The following SIL1 variants were observed in gnomAD, a reference collection of about 807,000 sequenced individuals.
The protein encoded by SIL1 is nucleotide exchange factor SIL1.
In SIL1, 40 loss-of-function variants were observed where a neutral mutation model predicts 49.1. The observed-to-expected ratio is 0.81, with a 90% CI of 0.63 to 1.06. The LOEUF is 1.06. SIL1 is among the 50% of genes least tolerant of loss of function. SIL1 has a pLI of 0.00. For synonymous variants in SIL1, 253 were observed against 250.8 expected (o/e 1.01, Z -0.08); for missense variants, 500 against 572.6 (o/e 0.87, Z 1.29).
At chr5:139,030,281 T>C (rs1010309653) in intron 5 of SIL1, among the ~76,000 whole-genome samples, 1 of 151,918 alleles carries the variant, frequency 6.6e-6, no homozygotes, top group Non-Finnish European at 1.5e-5. Context: ...CCTGGCCAAC[T>C]AGAGAAGGTG....
rs917940788 is a variant in SIL1, at chr5:139,186,675, G to C, written c.-11+11594C>G. Among the ~76,000 whole-genome samples, 3 of 152,310 alleles carry C rather than the reference G, an allele frequency of 2.0e-5. No individual in the cohort carries two copies. The East Asian group carries it at 5.8e-4, about 29-fold the overall frequency. On this transcript the variant is annotated intron_variant, in intron 1 of 9. Coordinates refer to ENST00000394817, the MANE Select transcript of SIL1 (RefSeq NM_022464.5). ...CATCTGAGTTGGAGACTCCTAGCCAGTGAGTAACACAGGAGGCTAAACTGG... is the reference window on the plus strand; with the variant it reads ...CATCTGAGTTGGAGACTCCTAGCCACTGAGTAACACAGGAGGCTAAACTGG...
intron 7 of SIL1, among the ~76,000 whole-genome samples, chr5:138,957,081 C>T (rs1766918990): frequency 1.3e-5 from 2 of 152,098 alleles, no homozygotes; most frequent in African/African-American, 2.4e-5. Context: ...CTAGACCCTA[C>T]TGACAGACAC....
At chr5:139,026,733 G>C in intron 6 of SIL1, 68 bp downstream of exon 6, 2 of 1,402,888 alleles carry the variant, frequency 1.4e-6, no homozygotes, top group East Asian at 2.3e-5. Context: ...TTTTCTTAGG[G>C]CTTAGGGAAG....
chr5:138,982,248 G>A (rs1207912055), intron 7 of SIL1, among the ~76,000 whole-genome samples: 1 of 152,154 alleles, frequency 6.6e-6, no homozygotes, highest in African/African-American at 2.4e-5. Flanking sequence ...TGGCTTCCCT[G>A]AGCATGTTTG....
intron 2 of SIL1, among the ~76,000 whole-genome samples, chr5:139,126,751 G>A (rs1471184637): frequency 6.6e-6 from 1 of 152,240 alleles, no homozygotes; most frequent in Non-Finnish European, 1.5e-5. Context: ...TGATTTCAGA[G>A]AGAAGGTGGA....
In SIL1 at chr5:139,062,914, T is replaced by A. The variant is rs560838785; in HGVS notation, c.245-11868A>T. Among the ~76,000 whole-genome samples the A allele has an allele frequency of 4.6e-5, 7 of 152,326 alleles. No individual in the cohort carries two copies. In the South Asian group the frequency reaches 1.5e-3, roughly 32 times the overall value. On this transcript the variant is annotated intron_variant, in intron 3 of 9. Transcript: ENST00000394817. Reference sequence around the variant, plus strand: ...CTGCTGTGTTGGGCACTGGGAAGTATACTGGGAAGTGAACAAGACCAATGC... The same window carrying A: ...CTGCTGTGTTGGGCACTGGGAAGTAAACTGGGAAGTGAACAAGACCAATGC...
At chr5:139,080,425 G>A (rs569777871) in intron 3 of SIL1, among the ~76,000 whole-genome samples, 28 of 152,280 alleles carry the variant, frequency 1.8e-4, no homozygotes, top group Middle Eastern at 6.8e-3. Context: ...ACCTGACAGA[G>A]CAGATATTTG....
rs76466712 is a variant in SIL1 at position 138,962,304 on chromosome 5, A to ATTTTTTTTT, written c.768-10429_768-10421dup. ...AAAGCCAATGACCTGGACTTTTTCCATTTTTTTTTTTTTCCTCTTCACCAA... is the reference window on the plus strand; with the variant it reads ...AAAGCCAATGACCTGGACTTTTTCCATTTTTTTTTTTTTTTTTTTTTTCCTCTTCACCAA... On this transcript the variant is annotated intron_variant, in intron 7 of 9. Transcript: ENST00000394817. 6.4e-3 allele frequency among the ~76,000 whole-genome samples: 919 copies of ATTTTTTTTT among 143,072 alleles called. 11 individuals are homozygous for ATTTTTTTTT. Among genetic ancestry groups the ATTTTTTTTT allele is most frequent in the African/African-American group, 0.023 (897 of 39,244 alleles). The allele number at this position is 143,072 out of a possible 152,430, so 93.9% of individuals were successfully genotyped here.
chr5:138,951,466 C>A lies in SIL1; in HGVS notation c.865-131G>T, dbSNP rs189086709. The stretch of plus-strand genomic sequence containing the variant: ...CGGCCCCACCTCAGTTACAGCTATA[C>A]CCCAGAACCCAGGACTGTGAGGCCA... On this transcript the variant is annotated intron_variant, in intron 8 of 9. Coordinates refer to ENST00000394817, the MANE Select transcript of SIL1 (RefSeq NM_022464.5). 1.8e-3 allele frequency: 1,662 copies of A among 921,608 alleles called. 2 individuals are homozygous for A. The highest frequency in any genetic ancestry group is 2.5e-3 in the Non-Finnish European group (1,530 of 606,422). The allele number at this position is 921,608 out of a possible 1,614,324, so 57.1% of individuals were successfully genotyped here.
chr5:139,133,353 A>G (rs1750905204), intron 1 of SIL1: 1 of 152,236 alleles, frequency 6.6e-6, no homozygotes, highest in Non-Finnish European at 1.5e-5. Flanking sequence ...TTGCCAGCTT[A>G]CTGCAGCCCA....
rs201602130 is a variant in SIL1 at position 139,015,336 on chromosome 5, A to AT, written c.767+5834dup. 6.0e-3 allele frequency among the ~76,000 whole-genome samples: 909 copies of AT among 151,804 alleles called. 1 individual carries two copies. Among genetic ancestry groups the AT allele is most frequent in the African/African-American group, 8.7e-3 (360 of 41,388 alleles). On this transcript the variant is annotated intron_variant, in intron 7 of 9. Transcript: ENST00000394817. Reference sequence around the variant, plus strand: ...GATGAATGCTATGAAGATCAACAGGATTTTTTTTTCATTTAAAAGATCTGA... The same window carrying AT: ...GATGAATGCTATGAAGATCAACAGGATTTTTTTTTTCATTTAAAAGATCTGA...
At chr5:139,151,321 C>T (rs988887957) in intron 1 of SIL1, among the ~76,000 whole-genome samples, 2 of 152,182 alleles carry the variant, frequency 1.3e-5, no homozygotes, top group African/African-American at 4.8e-5. Context: ...CAAGCACCTA[C>T]CGTGTACTAG....
rs745826557 is a variant in SIL1, at chr5:138,951,229, C to T, written c.971G>A (p.Gly324Asp). 1.2e-6 allele frequency: 2 copies of T among 1,606,158 alleles called. No homozygotes were observed. Among genetic ancestry groups the T allele is most frequent in the South Asian group, 1.1e-5 (1 of 89,358 alleles). ...QVLRTLVQEK[G>D]TEVLAVRVVT... ...CACGCGCACGGCGAGCACCTCCGTG[C>T]CCTTCTCCTGCACCAGGGTCCTCAG... is the stretch of plus-strand genomic sequence containing the variant. The change falls in exon 9 of 10, where the codon GGC (glycine) becomes GAC (aspartate). Residue 324 changes from glycine to aspartate, a missense_variant. Gly to Asp is a moderately conservative substitution (Grantham distance 94, BLOSUM62 -1). Transcript: ENST00000394817.
At chr5:139,170,715 C>CCA (rs1751739491) in intron 1 of SIL1, among the ~76,000 whole-genome samples, 1 of 151,640 alleles carries the variant, frequency 6.6e-6, no homozygotes, top group South Asian at 2.1e-4. Context: ...CGCCCGGCAG[C>CCA]CACCCCGTCT....
chr5:138,994,108 G>A (rs886486087), intron 7 of SIL1, among the ~76,000 whole-genome samples: 32 of 152,164 alleles, frequency 2.1e-4, no homozygotes, highest in African/African-American at 7.0e-4. Context: ...ACAGGAAAAG[G>A]ATAAGGATGT....
At chr5:139,084,640 C>G (rs867909107) in intron 3 of SIL1, among the ~76,000 whole-genome samples, 1 of 114,808 alleles carries the variant, frequency 8.7e-6, no homozygotes, top group Middle Eastern at 4.2e-3. Flanking sequence ...GTGGTGGGGT[C>G]GGGGGAGGGG....
intron 3 of SIL1, among the ~76,000 whole-genome samples, chr5:139,117,510 A>G (rs1771019472): frequency 6.6e-6 from 1 of 152,110 alleles, no homozygotes; most frequent in Non-Finnish European, 1.5e-5. Context: ...AGCATTCTGT[A>G]ATACCAACTG....
rs1325326531 is a variant in SIL1 at position 139,127,769 on chromosome 5, G to A, written c.75C>T (p.Cys25=). 1 of 1,611,018 alleles carries A rather than the reference G, an allele frequency of 6.2e-7. No homozygotes were observed. The highest frequency in any genetic ancestry group is 1.1e-5 in the South Asian group (1 of 90,658). ...TCTGATGACTGAGGCAGAAGGTGAA[G>A]CAGGCGGCCATCAGCAGCCCAAGCA... ...GMLLGLLMAA[C]FTFCLSHQNL... The change falls in exon 2 of 10, where the codon TGC becomes TGT. Residue 25 remains cysteine (C), a synonymous_variant. Transcript: ENST00000394817.
chr5:138,992,328 G>A (rs1431298105), intron 7 of SIL1, among the ~76,000 whole-genome samples: 2 of 152,184 alleles, frequency 1.3e-5, no homozygotes, highest in Non-Finnish European at 2.9e-5. Flanking sequence ...GAAAGAACAT[G>A]GGCTTTGACA....
Sources: allele counts gnomAD v4.1 joint callset (sites outside exome capture counted in the v4.1 genomes callset), GRCh38; gene constraint gnomAD v4.1.1; transcripts MANE v1.5; gene names NCBI Gene and HGNC (gene_info 2026-07-23, HGNC 2026-07-21).